MGAT5: variants seen among roughly 807,000 people sequenced by gnomAD.
The protein encoded by MGAT5 is alpha-1,6-mannosylglycoprotein 6-beta-N-acetylglucosaminyltransferase A.
A neutral mutation model predicts 94.3 loss-of-function variants in MGAT5; 30 were observed. That is an observed-to-expected ratio of 0.32 (90% CI 0.24 to 0.43). The LOEUF (loss-of-function observed/expected upper bound fraction) is 0.43. MGAT5 is among the 20% of genes least tolerant of loss of function. The pLI, the probability that MGAT5 is intolerant of heterozygous loss-of-function variation, is 1.00. For synonymous variants in MGAT5, 310 were observed against 322.9 expected (o/e 0.96, Z 0.43); for missense variants, 691 against 905.5 (o/e 0.76, Z 3.04).
intron 10 of MGAT5, among the ~76,000 whole-genome samples, chr2:134,372,002 A>G (rs1680837841): frequency 6.6e-6 from 1 of 151,458 alleles, no homozygotes; most frequent in Non-Finnish European, 1.5e-5. Flanking sequence ...CTTGTTCAGC[A>G]TCCACATGCC....
chr2:134,224,955 C>T (rs1680981939), intron 1 of MGAT5, among the ~76,000 whole-genome samples: 1 of 151,802 alleles, frequency 6.6e-6, no homozygotes, highest in Non-Finnish European at 1.5e-5. Context: ...TGTTGTGCAC[C>T]TGTAGTCCCA....
intron 1 of MGAT5, among the ~76,000 whole-genome samples, chr2:134,121,445 A>G (rs796107537): frequency 5.5e-4 from 83 of 152,276 alleles, no homozygotes; most frequent in African/African-American, 1.9e-3. Context: ...CGAAGAGGGA[A>G]GGGGGTGGCG....
intron 14 of MGAT5, among the ~76,000 whole-genome samples, chr2:134,438,334 G>GAT (rs1685284059): frequency 6.6e-6 from 1 of 152,144 alleles, no homozygotes; most frequent in Non-Finnish European, 1.5e-5. Flanking sequence ...AAGCATTTCA[G>GAT]ATAAGGGATA....
intron 10 of MGAT5, among the ~76,000 whole-genome samples, chr2:134,376,732 C>G (rs1024980842): frequency 2.6e-5 from 4 of 152,226 alleles, no homozygotes; most frequent in Non-Finnish European, 5.9e-5. Context: ...CTTTATTTCT[C>G]AGCTGAGGCC....
At chr2:134,344,705 T>G (rs1330897029) in intron 7 of MGAT5, among the ~76,000 whole-genome samples, 1 of 152,040 alleles carries the variant, frequency 6.6e-6, no homozygotes, top group East Asian at 1.9e-4. Context: ...TCAAAGACTG[T>G]GTTTATATGC....
intron 1 of MGAT5, among the ~76,000 whole-genome samples, chr2:134,236,074 C>G (rs1004708072): frequency 1.3e-5 from 2 of 152,222 alleles, no homozygotes; most frequent in South Asian, 4.1e-4. Flanking sequence ...TCAGACACCA[C>G]CTATTTCTGC....
chr2:134,230,687 C>G (rs1439827285), intron 1 of MGAT5, among the ~76,000 whole-genome samples: 1 of 152,094 alleles, frequency 6.6e-6, no homozygotes, highest in Admixed American at 6.5e-5. Flanking sequence ...AAATTGGAAC[C>G]TTCATACACT....
chr2:134,342,293 G>A (rs1380085788), intron 7 of MGAT5, among the ~76,000 whole-genome samples: 1 of 152,054 alleles, frequency 6.6e-6, no homozygotes, highest in Non-Finnish European at 1.5e-5. Flanking sequence ...CAGCCCTCCT[G>A]TAATCCCTTC....
At chr2:134,319,464 A>G (rs1045880873) in intron 4 of MGAT5, among the ~76,000 whole-genome samples, 9 of 151,346 alleles carry the variant, frequency 5.9e-5, no homozygotes, top group East Asian at 1.9e-4. Context: ...GAATCTTGAG[A>G]AAAAAAAATG....
At chr2:134,445,028 T>C (rs566946314) in intron 15 of MGAT5, among the ~76,000 whole-genome samples, 23 of 152,298 alleles carry the variant, frequency 1.5e-4, no homozygotes, top group Non-Finnish European at 2.9e-4. Flanking sequence ...CAGGAACATG[T>C]GTTCCTGCCC....
At chr2:134,412,238 CTGCCTTG>C (rs1683711918) in intron 11 of MGAT5, among the ~76,000 whole-genome samples, 1 of 152,118 alleles carries the variant, frequency 6.6e-6, no homozygotes, top group Non-Finnish European at 1.5e-5. Context: ...AGGGAAGCAG[CTGCCTTG>C]CAGATTCAGC....
chr2:134,411,431 A>G (rs1485174794), intron 11 of MGAT5, among the ~76,000 whole-genome samples: 2 of 152,176 alleles, frequency 1.3e-5, no homozygotes, highest in Non-Finnish European at 2.9e-5. Context: ...CCCTGTGGAC[A>G]TCTCTGGCAT....
chr2:134,166,824 A>C (rs1687983315), intron 1 of MGAT5, among the ~76,000 whole-genome samples: 3 of 152,230 alleles, frequency 2.0e-5, no homozygotes, highest in Non-Finnish European at 2.9e-5. Context: ...AGGTCACCTC[A>C]GGACCCGTAG....
At chr2:134,273,383 A>G (rs982954887) in intron 2 of MGAT5, among the ~76,000 whole-genome samples, 1 of 152,046 alleles carries the variant, frequency 6.6e-6, no homozygotes, top group African/African-American at 2.4e-5. Flanking sequence ...TCGCCAAGTA[A>G]AGTTTTTCTC....
At chr2:134,205,020 CAGA>C (rs1354927218) in intron 1 of MGAT5, among the ~76,000 whole-genome samples, 1 of 152,126 alleles carries the variant, frequency 6.6e-6, no homozygotes, top group Non-Finnish European at 1.5e-5. Context: ...GTGTTTACAG[CAGA>C]AGGAGCAGCA....
At chr2:134,264,830 G>T (rs1368988167) in intron 1 of MGAT5, among the ~76,000 whole-genome samples, 1 of 152,178 alleles carries the variant, frequency 6.6e-6, no homozygotes, top group Non-Finnish European at 1.5e-5. Flanking sequence ...CTGCTCTGTG[G>T]CTCTGTTGTT....
intron 12 of MGAT5, among the ~76,000 whole-genome samples, chr2:134,413,834 G>A (rs1042164256): frequency 3.3e-5 from 5 of 152,288 alleles, no homozygotes; most frequent in South Asian, 4.1e-4. Context: ...ATTAGCATCC[G>A]TCCCATGGCA....
rs1001677796 is a variant in MGAT5, at chr2:134,268,359, A to T, written c.242-2027A>T. Reference sequence around the variant, plus strand: ...TTTTATATCTGAAGAGTATTTCTTTATACTGAACATTGCCACTTCTCACTG... The same window carrying T: ...TTTTATATCTGAAGAGTATTTCTTTTTACTGAACATTGCCACTTCTCACTG... On this transcript the variant is annotated intron_variant, in intron 1 of 15. Transcript: ENST00000281923. The surrounding 1 kb of genome is among the most constrained non-coding windows in gnomAD (Gnocchi z 4.1). Among the ~76,000 whole-genome samples the T allele has an allele frequency of 1.1e-4, 17 of 152,236 alleles. No individual in the cohort carries two copies. The highest frequency in any genetic ancestry group is 7.2e-4 in the Admixed American group (11 of 15,282).
chr2:134,447,258 G>A (rs2106443535), intron 15 of MGAT5, among the ~76,000 whole-genome samples: 1 of 152,306 alleles, frequency 6.6e-6, no homozygotes, highest in Admixed American at 6.5e-5. Flanking sequence ...TGAACCAAGT[G>A]AAATAGAAAT....
Sources: gnomAD v4.1 joint callset for allele counts (sites outside exome capture counted in the v4.1 genomes callset) on GRCh38, gnomAD v4.1.1 for gene constraint, Gnocchi (gnomAD v3.1) non-coding constraint, MANE v1.5 for transcripts, NCBI Gene and HGNC (gene_info 2026-07-23, HGNC 2026-07-21) for gene names.